The following DAPK1 variants were observed in gnomAD, a reference collection of about 807,000 sequenced individuals.
The protein encoded by DAPK1 is death associated protein kinase 1, also known as death-associated protein kinase 1.
A neutral mutation model predicts 144.9 loss-of-function variants in DAPK1; 56 were observed. The ratio of observed to expected loss-of-function variants is 0.39; its 90% CI spans 0.31 to 0.48. The LOEUF is 0.48. Among genes scored for constraint, DAPK1 ranks in the 20% least tolerant of loss-of-function variants. The pLI, the probability that DAPK1 is intolerant of heterozygous loss-of-function variation, is 0.95. For synonymous variants in DAPK1, 690 were observed against 749.0 expected (o/e 0.92, Z 1.29); for missense variants, 1,454 against 1,875.4 (o/e 0.78, Z 4.15).
intron 2 of DAPK1, among the ~76,000 whole-genome samples, chr9:87,574,134 A>G (rs1170901365): frequency 6.6e-6 from 1 of 152,226 alleles, no homozygotes; most frequent in East Asian, 1.9e-4. Flanking sequence ...AAAGAAAGTC[A>G]CGTCCTTTCC....
intron 2 of DAPK1, among the ~76,000 whole-genome samples, chr9:87,514,279 GTC>G (rs1824962375): frequency 6.6e-6 from 1 of 152,208 alleles, no homozygotes; most frequent in African/African-American, 2.4e-5. Context: ...CTGCCAGATG[GTC>G]TGAGCGTGAG....
intron 2 of DAPK1, among the ~76,000 whole-genome samples, chr9:87,546,779 T>C (rs1826266989): frequency 6.6e-6 from 1 of 152,164 alleles, no homozygotes; most frequent in Non-Finnish European, 1.5e-5. Context: ...TTTCCCTACC[T>C]GTTCTTTTAA....
At position 87,706,404 on chromosome 9, in the gene DAPK1, C is replaced by G; in HGVS notation, c.3333C>G (p.Asn1111Lys). ...TCCCAGCCCTGATCAAGACAGACAA[C>G]CTGCACCGCTCCTGGGCTGATGAGG... is the stretch of plus-strand genomic sequence containing the variant. ...VDVPALIKTD[N>K]LHRSWADEED... Residue 1111 changes from asparagine to lysine, a missense_variant, in exon 26 of 26, where the codon AAC (asparagine) becomes AAG (lysine). Transcript: ENST00000408954. The surrounding 1 kb of genome is among the most constrained non-coding windows in gnomAD (Gnocchi z 9.0). 1 of 1,612,750 alleles carries G rather than the reference C, an allele frequency of 6.2e-7. No homozygotes were observed. The highest frequency in any genetic ancestry group is 8.5e-7 in the Non-Finnish European group (1 of 1,179,346).
intron 2 of DAPK1, among the ~76,000 whole-genome samples, chr9:87,509,487 A>T (rs1824749280): frequency 6.6e-6 from 1 of 151,994 alleles, no homozygotes; most frequent in African/African-American, 2.4e-5. Flanking sequence ...CAGCCCCCCG[A>T]GTAGCTGGGA....
chr9:87,615,163 T>G (rs1829052608), intron 3 of DAPK1, among the ~76,000 whole-genome samples: 1 of 152,232 alleles, frequency 6.6e-6, no homozygotes, highest in African/African-American at 2.4e-5. Context: ...AAGCAAATAC[T>G]TCCAAGAACA....
rs570972617 is a variant in DAPK1 at position 87,646,431 on chromosome 9, A to T, written c.1132-30A>T. 3.0e-5 allele frequency: 47 copies of T among 1,543,164 alleles called. No individual in the cohort carries two copies. In the South Asian group the frequency reaches 5.1e-4, roughly 17 times the overall value. On this transcript the variant is annotated intron_variant, in intron 12 of 25. Transcript: ENST00000408954. ...CTTTTCCTTTCCTACCAAACCTGAA[A>T]ATTAGTAATTTTTTTCTTGCCTATT...
intron 3 of DAPK1, among the ~76,000 whole-genome samples, chr9:87,628,939 C>G (rs1022523323): frequency 2.0e-5 from 3 of 152,230 alleles, no homozygotes. Context: ...CCTTGCTTCT[C>G]TTTATTTCCT....
intron 2 of DAPK1, among the ~76,000 whole-genome samples, chr9:87,536,848 A>C (rs142296985): frequency 6.6e-6 from 1 of 152,214 alleles, no homozygotes; most frequent in Non-Finnish European, 1.5e-5. Context: ...AAATTCAACA[A>C]TGGGGAAGAA....
At chr9:87,506,227 C>T (rs139488275) in intron 2 of DAPK1, among the ~76,000 whole-genome samples, 1 of 152,288 alleles carries the variant, frequency 6.6e-6, no homozygotes, top group African/African-American at 2.4e-5. Context: ...AAGTAGGCAG[C>T]CATTTGGCGC....
At chr9:87,585,528 A>G (rs1293744102) in intron 2 of DAPK1, among the ~76,000 whole-genome samples, 2 of 152,230 alleles carry the variant, frequency 1.3e-5, no homozygotes, top group Non-Finnish European at 2.9e-5. Context: ...ATTATCCAGA[A>G]TACACAGTCT....
At chr9:87,528,221 T>TTC (rs968882644) in intron 2 of DAPK1, among the ~76,000 whole-genome samples, 23 of 2,228 alleles carry the variant, frequency 0.01, no homozygotes, top group Non-Finnish European at 0.015. Context: ...CTTTCTTTCT[T>TTC]TTTTTTTTTT....
At chr9:87,533,187 G>A (rs1200439078) in intron 2 of DAPK1, among the ~76,000 whole-genome samples, 2 of 152,198 alleles carry the variant, frequency 1.3e-5, no homozygotes, top group African/African-American at 4.8e-5. Flanking sequence ...ATGCGTGTGT[G>A]TGGATATGTA....
intron 2 of DAPK1, among the ~76,000 whole-genome samples, chr9:87,529,450 T>C (rs1825631917): frequency 6.6e-6 from 1 of 152,214 alleles, no homozygotes; most frequent in Non-Finnish European, 1.5e-5. Context: ...ATTAAGGGTA[T>C]CATTTATTCT....
intron 2 of DAPK1, among the ~76,000 whole-genome samples, chr9:87,534,246 G>GTTTTTTT (rs768580976): frequency 1.1e-5 from 1 of 91,156 alleles, no homozygotes. Flanking sequence ...CATTTTGACA[G>GTTTTTTT]TTTTTTTTTT....
At chr9:87,546,678 G>C (rs1247222917) in intron 2 of DAPK1, among the ~76,000 whole-genome samples, 1 of 152,112 alleles carries the variant, frequency 6.6e-6, no homozygotes, top group Non-Finnish European at 1.5e-5. Context: ...AGACGAATGA[G>C]CCTTTCTCTG....
intron 21 of DAPK1, among the ~76,000 whole-genome samples, chr9:87,695,573 A>G (rs1043741411): frequency 9.2e-5 from 14 of 152,126 alleles, no homozygotes; most frequent in South Asian, 2.1e-4. Context: ...TGGGAAAGCA[A>G]TTGCCCCCAC....
intron 2 of DAPK1, among the ~76,000 whole-genome samples, chr9:87,506,511 T>C (rs1824601270): frequency 6.6e-6 from 1 of 152,244 alleles, no homozygotes. Flanking sequence ...ACTTTCATTG[T>C]TATTTAACTT....
chr9:87,622,095 A>G (rs1254346551), intron 3 of DAPK1, among the ~76,000 whole-genome samples: 1 of 149,278 alleles, frequency 6.7e-6, no homozygotes, highest in Non-Finnish European at 1.5e-5. Context: ...GGCCTCTACC[A>G]TTTTCATTTC....
chr9:87,608,244 AG>A (rs1828803959), intron 3 of DAPK1, among the ~76,000 whole-genome samples: 1 of 152,374 alleles, frequency 6.6e-6, no homozygotes, highest in Non-Finnish European at 1.5e-5. Context: ...TCCAGTGAAT[AG>A]AATCATACAG....
Sources: allele counts gnomAD v4.1 joint callset (sites outside exome capture counted in the v4.1 genomes callset), GRCh38; gene constraint gnomAD v4.1.1; non-coding constraint Gnocchi (gnomAD v3.1); transcripts MANE v1.5; gene names NCBI Gene and HGNC (gene_info 2026-07-23, HGNC 2026-07-21).